DNAH9: variants seen among roughly 807,000 people sequenced by gnomAD.
The protein encoded by DNAH9 is DNAH9 variant protein.
In DNAH9, 345 loss-of-function variants were observed where a neutral mutation model predicts 471.6. The observed-to-expected ratio is 0.73, with a 90% confidence interval of 0.67 to 0.80. The LOEUF is 0.80. Ranked by LOEUF, DNAH9 falls within the 30% of genes least tolerant of loss-of-function variation. DNAH9 has a pLI of 0.00. For synonymous variants in DNAH9, 2,093 were observed against 2,123.6 expected (o/e 0.99, Z 0.40); for missense variants, 5,407 against 5,609.2 (o/e 0.96, Z 1.15).
chr17:11,771,460 C>T (rs1165356300), intron 38 of DNAH9, among the ~76,000 whole-genome samples: 1 of 152,164 alleles, frequency 6.6e-6, no homozygotes, highest in Non-Finnish European at 1.5e-5. Flanking sequence ...TCATGTTTAA[C>T]AACCAGCTTG....
chr17:11,784,699 C>G (rs1053290934), intron 41 of DNAH9, among the ~76,000 whole-genome samples, 160 bp downstream of exon 41: 1 of 152,112 alleles, frequency 6.6e-6, no homozygotes, highest in South Asian at 2.1e-4. Flanking sequence ...GTGCCATGGG[C>G]TCCATGAGGA....
At chr17:11,919,550 G>C (rs1974069360) in intron 61 of DNAH9, among the ~76,000 whole-genome samples, 2 of 149,900 alleles carry the variant, frequency 1.3e-5, no homozygotes, top group African/African-American at 2.5e-5. Context: ...CATAATGACA[G>C]AGGGAAATGG....
chr17:11,618,970 A>C (rs888994935), intron 5 of DNAH9, among the ~76,000 whole-genome samples: 3 of 152,162 alleles, frequency 2.0e-5, no homozygotes, highest in African/African-American at 7.2e-5. Context: ...TGAAAGTGTA[A>C]GAAAACCGAA....
chr17:11,822,928 T>G lies in DNAH9; in HGVS notation c.9140T>G (p.Phe3047Cys). The G allele has an allele frequency of 6.2e-7, 1 of 1,614,136 alleles. No homozygotes were observed. The highest frequency in any genetic ancestry group is 8.5e-7 in the Non-Finnish European group (1 of 1,180,028). The change falls in exon 48 of 69, where the codon TTC becomes TGC. Residue 3047 changes from phenylalanine to cysteine, a missense_variant. By Grantham distance (205) the Phe-to-Cys change is radical. Coordinates refer to ENST00000262442, the MANE Select transcript of DNAH9 (RefSeq NM_001372.4). ...ACAACTCCCAAGTCCTTTCTGGAGT[T>G]CATCAGACTCTACCAGAGCTTGTTG... ...NYTTPKSFLE[F>C]IRLYQSLLHR... is the part of the protein sequence containing the mutation.
intron 36 of DNAH9, among the ~76,000 whole-genome samples, chr17:11,767,816 A>G (rs1968025072): frequency 6.6e-6 from 1 of 152,128 alleles, no homozygotes; most frequent in Non-Finnish European, 1.5e-5. Context: ...GCTTCTACCT[A>G]TTCCTTCTGT....
At chr17:11,898,960 T>C (rs1973309893) in intron 59 of DNAH9, among the ~76,000 whole-genome samples, 1 of 152,228 alleles carries the variant, frequency 6.6e-6, no homozygotes, top group African/African-American at 2.4e-5. Flanking sequence ...TCAAAGGCTT[T>C]TGCCAACTAG....
chr17:11,623,668 T>C lies in DNAH9; in HGVS notation c.1350+3887T>C, dbSNP rs962307412. On this transcript the variant is annotated intron_variant, in intron 6 of 68. Coordinates refer to ENST00000262442, the MANE Select transcript of DNAH9 (RefSeq NM_001372.4). This position sits in a 1 kb window ranked among gnomAD's most constrained non-coding sequence, Gnocchi z 4.1. ...GATCGATGCCTGATTGAAATGGGAT[T>C]AATCTGCTCCTCTCCAGTAAGAATT... Among the ~76,000 whole-genome samples, 1 of 152,178 alleles carries C rather than the reference T, an allele frequency of 6.6e-6. No homozygotes were observed. Among genetic ancestry groups the C allele is most frequent in the Non-Finnish European group, 1.5e-5 (1 of 68,032 alleles).
At chr17:11,647,560 C>T (rs1025381029) in intron 12 of DNAH9, among the ~76,000 whole-genome samples, 5 of 152,148 alleles carry the variant, frequency 3.3e-5, no homozygotes, top group Non-Finnish European at 7.3e-5. Flanking sequence ...TTTTGCACAA[C>T]AGGAAGTACT....
intron 1 of DNAH9, among the ~76,000 whole-genome samples, chr17:11,606,146 T>A (rs910587594): frequency 1.4e-4 from 22 of 152,134 alleles, no homozygotes; most frequent in African/African-American, 5.1e-4. Context: ...CCTTTACTGA[T>A]TGTTGTAAGT....
At position 11,854,426 on chromosome 17, in the gene DNAH9, G is replaced by T; in HGVS notation, c.9931G>T (p.Ala3311Ser). The T allele has an allele frequency of 3.1e-6, 5 of 1,610,130 alleles. No individual in the cohort carries two copies. Among genetic ancestry groups the T allele is most frequent in the Non-Finnish European group, 3.4e-6 (4 of 1,177,886 alleles). The change falls in exon 50 of 69, where the codon GCT becomes TCT. Residue 3311 changes from alanine (A) to serine (S), a missense_variant and splice_region_variant. Physicochemically the swap from Ala to Ser is moderately conservative, Grantham distance 99. Around this residue, in one of 3 missense-constraint regions of DNAH9, gnomAD observed 4,636 missense variants for 4,900.3 expected, o/e 0.95. Transcript: ENST00000262442. ...EKLAAIKAKI[A>S]HLNENLAKLT... is the part of the protein sequence containing the mutation. Reference sequence around the variant, plus strand: ...GCTGGCTGCCATCAAAGCCAAGATCGCTGTGAGTGACCCCAGAGCCCCTCA... The same window carrying T: ...GCTGGCTGCCATCAAAGCCAAGATCTCTGTGAGTGACCCCAGAGCCCCTCA...
chr17:11,719,309 A>T (rs752289194), intron 26 of DNAH9, 25 bp from the exon 27 acceptor site: 1 of 1,609,850 alleles, frequency 6.2e-7, no homozygotes, highest in Non-Finnish European at 8.5e-7. Context: ...AAGAATGATG[A>T]CCTATGCCCT....
At chr17:11,683,604 C>T (rs555177751) in intron 19 of DNAH9, among the ~76,000 whole-genome samples, 1 of 152,120 alleles carries the variant, frequency 6.6e-6, no homozygotes, top group African/African-American at 2.4e-5. Flanking sequence ...GTTCGAAATT[C>T]GGTATTCCTC....
Position 11,962,379 on chromosome 17 carries a change from C to G in DNAH9, c.13233+123C>G. On this transcript the variant is annotated intron_variant, in intron 68 of 68. Transcript: ENST00000262442. The surrounding 1 kb of genome is among the most constrained non-coding windows in gnomAD (Gnocchi z 4.1). ...TCTTTTTCTCTAGCTAACCTTCTTT[C>G]CTTGAGGCCATCAGGCCATTTTTAT... 1 of 1,414,238 alleles carries G rather than the reference C, an allele frequency of 7.1e-7. No homozygotes were observed. The highest frequency in any genetic ancestry group is 2.5e-5 in the East Asian group (1 of 40,682). The allele number at this position is 1,414,238 out of a possible 1,614,324, so 87.6% of individuals were successfully genotyped here.
chr17:11,852,835 T>C (rs1971474897), intron 49 of DNAH9, among the ~76,000 whole-genome samples: 1 of 131,372 alleles, frequency 7.6e-6, no homozygotes, highest in Non-Finnish European at 1.6e-5. Context: ...TATATATATA[T>C]ATATATATAT....
chr17:11,841,731 G>T (rs1412387788), intron 49 of DNAH9, among the ~76,000 whole-genome samples: 1 of 152,086 alleles, frequency 6.6e-6, no homozygotes, highest in Non-Finnish European at 1.5e-5. Flanking sequence ...CAAATTGTGA[G>T]GGAAGTATGT....
rs760026440 is a variant in DNAH9, at chr17:11,669,596, C to A, written c.3155C>A (p.Pro1052His). ...DHVEDGIPEN[P>H]PLLSQFKVQI... Reference sequence around the variant, plus strand: ...GTGGAAGATGGCATCCCAGAGAACCCTCCCCTCCTTTCTCAGTTTAAAGTG... The same window carrying A: ...GTGGAAGATGGCATCCCAGAGAACCATCCCCTCCTTTCTCAGTTTAAAGTG... Residue 1052 changes from proline (P) to histidine (H), a missense_variant, in exon 17 of 69, where the codon CCT (proline) becomes CAT (histidine). By Grantham distance (77) the Pro-to-His change is moderately conservative. Around this residue, in one of 3 missense-constraint regions of DNAH9, gnomAD observed 4,636 missense variants for 4,900.3 expected, o/e 0.95. Coordinates refer to ENST00000262442, the MANE Select transcript of DNAH9 (RefSeq NM_001372.4). 7 of 1,614,048 alleles carry A rather than the reference C, an allele frequency of 4.3e-6. No individual in the cohort carries two copies. In the East Asian group the frequency reaches 1.6e-4, roughly 36 times the overall value.
At chr17:11,649,198 GC>G (rs1255039337) in intron 12 of DNAH9, among the ~76,000 whole-genome samples, 1 of 151,624 alleles carries the variant, frequency 6.6e-6, no homozygotes, top group East Asian at 1.9e-4. Flanking sequence ...TCAGAAATTT[GC>G]CCCTCTGGGG....
Position 11,598,656 on chromosome 17 carries a change from A to G in DNAH9, c.158A>G (p.Glu53Gly). Residue 53 changes from glutamate (E) to glycine (G), a missense_variant, in exon 1 of 69, where the codon GAG (glutamate) becomes GGG (glycine). By Grantham distance (98) the Glu-to-Gly change is moderately conservative (BLOSUM62 -2). Transcript: ENST00000262442. ...CGTTGCGCGGGGAGTGCTGAGGCGGAGCAGCTGCTCCAGGCCTTCCTGGGC... is the reference window on the plus strand; with the variant it reads ...CGTTGCGCGGGGAGTGCTGAGGCGGGGCAGCTGCTCCAGGCCTTCCTGGGC... ...WERCAGSAEA[E>G]QLLQAFLGRD... is the part of the protein sequence containing the mutation. 2 of 1,355,080 alleles carry G rather than the reference A, an allele frequency of 1.5e-6. No individual in the cohort carries two copies. The highest frequency in any genetic ancestry group is 1.7e-5 in the South Asian group (1 of 57,146). The allele number at this position is 1,355,080 out of a possible 1,614,324, so 83.9% of individuals were successfully genotyped here. A position where few individuals can be genotyped will look rare whatever the true frequency, so the allele number is the denominator to read the frequency against.
At chr17:11,755,123 G>C (rs147136016) in intron 33 of DNAH9, among the ~76,000 whole-genome samples, 2 of 152,308 alleles carry the variant, frequency 1.3e-5, no homozygotes, top group African/African-American at 4.8e-5. Flanking sequence ...TTGAAGATCA[G>C]ATGGTCATAG....
Sources: allele counts gnomAD v4.1 joint callset (sites outside exome capture counted in the v4.1 genomes callset), GRCh38; gene constraint gnomAD v4.1.1; regional missense constraint gnomAD v4.1.1; non-coding constraint Gnocchi (gnomAD v3.1); transcripts MANE v1.5; gene names NCBI Gene and HGNC (gene_info 2026-07-23, HGNC 2026-07-21).